The following CACNG3 variants were observed in gnomAD, a reference collection of about 807,000 sequenced individuals.
CACNG3 encodes voltage-dependent calcium channel gamma-3 subunit.
A neutral mutation model predicts 28.5 loss-of-function variants in CACNG3; 3 were observed. The observed-to-expected ratio is 0.11, with a 90% CI of 0.05 to 0.27. CACNG3 has a LOEUF of 0.27. Among genes scored for constraint, CACNG3 ranks in the 10% least tolerant of loss-of-function variants. The pLI, the probability that CACNG3 is intolerant of heterozygous loss-of-function variation, is 1.00. For synonymous variants in CACNG3, 174 were observed against 162.2 expected (o/e 1.07, Z -0.55); for missense variants, 236 against 414.4 (o/e 0.57, Z 3.74).
chr16:24,354,846 C>T lies in CACNG3; in HGVS notation c.309C>T (p.Ala103=). The T allele has an allele frequency of 3.1e-6, 5 of 1,612,202 alleles. No individual in the cohort carries two copies. Among genetic ancestry groups the T allele is most frequent in the Non-Finnish European group, 4.2e-6 (5 of 1,179,992 alleles). The change falls in exon 3 of 4, where the codon GCC becomes GCT. Residue 103 remains alanine, a synonymous_variant. Coordinates refer to ENST00000005284, the MANE Select transcript of CACNG3 (RefSeq NM_006539.4). ...TAEYLLRAVR[A]SSVFPILSVT... is the part of the protein sequence containing the mutation. ...TTCTCTCCGCAGGAGCTGTGAGGGC[C>T]TCCAGTGTCTTCCCCATCCTCAGTG...
At chr16:24,272,472 T>C (rs543170906) in intron 1 of CACNG3, among the ~76,000 whole-genome samples, 40 of 152,290 alleles carry the variant, frequency 2.6e-4, no homozygotes, top group African/African-American at 9.4e-4. Context: ...TTTTTAACAA[T>C]TATCTTACAA....
chr16:24,263,469 A>T (rs544797675), intron 1 of CACNG3, among the ~76,000 whole-genome samples: 2 of 152,282 alleles, frequency 1.3e-5, no homozygotes, highest in African/African-American at 4.8e-5. Context: ...ACTGTAGAAA[A>T]CCCCAAGGTT....
chr16:24,328,349 A>G (rs1899585601), intron 1 of CACNG3, among the ~76,000 whole-genome samples: 1 of 151,116 alleles, frequency 6.6e-6, no homozygotes, highest in Admixed American at 6.6e-5. Flanking sequence ...CCTGTGCAGC[A>G]GAAATTTGGT....
intron 1 of CACNG3, among the ~76,000 whole-genome samples, chr16:24,278,594 G>A (rs1276391278): frequency 6.6e-6 from 1 of 152,030 alleles, no homozygotes; most frequent in African/African-American, 2.4e-5. Flanking sequence ...CCAGCCTGGC[G>A]ACAGAGGGAG....
At chr16:24,348,403 T>G (rs1899898744) in intron 2 of CACNG3, among the ~76,000 whole-genome samples, 1 of 152,060 alleles carries the variant, frequency 6.6e-6, no homozygotes, top group African/African-American at 2.4e-5. Flanking sequence ...ATCAATAATA[T>G]TGATTAGTGA....
chr16:24,361,899 C>T lies in CACNG3; in HGVS notation c.*36C>T. On this transcript the variant is annotated 3_prime_UTR_variant, in exon 4 of 4. Transcript: ENST00000005284. This position sits in a 1 kb window ranked among gnomAD's most constrained non-coding sequence, Gnocchi z 6.8. ...GACCTCTGCCCCACGCCCAGCACAG[C>T]CTTGGGGGAAGTGTACAGAGATGTC... 2 of 1,563,320 alleles carry T rather than the reference C, an allele frequency of 1.3e-6. No individual in the cohort carries two copies. The highest frequency in any genetic ancestry group is 1.7e-6 in the Non-Finnish European group (2 of 1,159,166).
At chr16:24,355,037 A>C in intron 3 of CACNG3, 64 bp downstream of exon 3, 1 of 1,519,440 alleles carries the variant, frequency 6.6e-7, no homozygotes, top group Non-Finnish European at 9.1e-7. Flanking sequence ...GGCCACATGG[A>C]GGAAGCAATG....
In CACNG3 at chr16:24,358,932, A is replaced by C. The variant is rs553817890; in HGVS notation, c.437-2420A>C. 2.0e-5 allele frequency among the ~76,000 whole-genome samples: 3 copies of C among 152,222 alleles called. No individual in the cohort carries two copies. The South Asian group carries it at 6.2e-4, about 32-fold the overall frequency. On this transcript the variant is annotated intron_variant, in intron 3 of 3. Coordinates refer to ENST00000005284, the MANE Select transcript of CACNG3 (RefSeq NM_006539.4). ...CTGCAATGATTACTAGGTATGATGC[A>C]TATAAAGATTTTGCACAGTGTGTGG...
At chr16:24,287,440 C>A (rs1395132453) in intron 1 of CACNG3, among the ~76,000 whole-genome samples, 1 of 150,476 alleles carries the variant, frequency 6.6e-6, no homozygotes, top group East Asian at 2.0e-4. Context: ...ATCACTTGAA[C>A]CCAAGAGGCG....
At chr16:24,314,095 A>C (rs539814665) in intron 1 of CACNG3, among the ~76,000 whole-genome samples, 34 of 152,262 alleles carry the variant, frequency 2.2e-4, no homozygotes, top group African/African-American at 8.2e-4. Context: ...TAAATGAAAA[A>C]ATGAAACTGG....
At chr16:24,322,593 G>GA (rs889805513) in intron 1 of CACNG3, among the ~76,000 whole-genome samples, 2 of 150,546 alleles carry the variant, frequency 1.3e-5, no homozygotes, top group Non-Finnish European at 3.0e-5. Context: ...GAGCCAAAAA[G>GA]AAAAAAAAAG....
At chr16:24,290,105 C>T (rs140880731) in intron 1 of CACNG3, among the ~76,000 whole-genome samples, 1 of 152,336 alleles carries the variant, frequency 6.6e-6, no homozygotes, top group African/African-American at 2.4e-5. Flanking sequence ...CACTCAAAGT[C>T]AACATTACTA....
Position 24,354,954 on chromosome 16 carries a change from C to T in CACNG3, c.417C>T (p.Gly139=). The part of the protein sequence containing the change: ...RSRHNVILSA[G]IFFVSAGLSN... The stretch of plus-strand genomic sequence containing the variant: ...GACACAACGTCATTCTCAGCGCGGG[C>T]ATCTTTTTTGTCTCTGCAGGTGAGT... The change falls in exon 3 of 4, where the codon GGC becomes GGT. Residue 139 remains glycine, a synonymous_variant. Transcript: ENST00000005284. 6.2e-7 allele frequency: 1 copy of T among 1,612,860 alleles called. No homozygotes were observed. Among genetic ancestry groups the T allele is most frequent in the South Asian group, 1.1e-5 (1 of 91,006 alleles).
chr16:24,265,674 G>A (rs917611543), intron 1 of CACNG3, among the ~76,000 whole-genome samples: 1 of 152,082 alleles, frequency 6.6e-6, no homozygotes, highest in Non-Finnish European at 1.5e-5. Context: ...TTTTAAAATG[G>A]TTGAAAAATT....
intron 1 of CACNG3, among the ~76,000 whole-genome samples, chr16:24,264,300 C>G (rs1029981196): frequency 1.3e-5 from 2 of 152,230 alleles, no homozygotes; most frequent in African/African-American, 4.8e-5. Context: ...CGAACTGACT[C>G]TATCCAAAGG....
At chr16:24,257,368 GGAGAGAGAGAGAGAGA>G (rs71154293) in intron 1 of CACNG3, among the ~76,000 whole-genome samples, 2,446 of 52,824 alleles carry the variant, frequency 0.046, 403 homozygotes, top group African/African-American at 0.07. Flanking sequence ...AAGTGAGGGG[GGAGAGAGAGAGAGAGA>G]GAGAGAGAGA....
intron 1 of CACNG3, among the ~76,000 whole-genome samples, chr16:24,299,982 A>G (rs1214830173): frequency 6.6e-6 from 1 of 152,040 alleles, no homozygotes; most frequent in African/African-American, 2.4e-5. Context: ...GATGTATTTT[A>G]ACATAACATT....
chr16:24,317,179 G>A (rs990454567), intron 1 of CACNG3, among the ~76,000 whole-genome samples: 6 of 152,084 alleles, frequency 3.9e-5, no homozygotes, highest in South Asian at 2.1e-4. Flanking sequence ...AGGTCATTCC[G>A]ATTTTCCAAT....
rs567779622 is a variant in CACNG3 at position 24,303,401 on chromosome 16, G to C, written c.212-43333G>C. 2.0e-5 allele frequency among the ~76,000 whole-genome samples: 3 copies of C among 151,728 alleles called. No homozygotes were observed. The East Asian group carries it at 5.8e-4, about 29-fold the overall frequency. ...GGTGGGGTCTCACTGTGTTGCCTAGGCTGGTCTTGAACTCCCGGACTCACG... is the reference window on the plus strand; with the variant it reads ...GGTGGGGTCTCACTGTGTTGCCTAGCCTGGTCTTGAACTCCCGGACTCACG... On this transcript the variant is annotated intron_variant, in intron 1 of 3. Transcript: ENST00000005284.
Sources: allele counts gnomAD v4.1 joint callset (sites outside exome capture counted in the v4.1 genomes callset), GRCh38; gene constraint gnomAD v4.1.1; non-coding constraint Gnocchi (gnomAD v3.1); transcripts MANE v1.5; gene names NCBI Gene and HGNC (gene_info 2026-07-23, HGNC 2026-07-21).